OTUD7A: variants seen among roughly 807,000 people sequenced by gnomAD.
OTUD7A encodes OTU deubiquitinase 7A.
A neutral mutation model predicts 65.7 loss-of-function variants in OTUD7A; 12 were observed. That is an observed-to-expected ratio of 0.18 (90% CI 0.12 to 0.30). The LOEUF (loss-of-function observed/expected upper bound fraction) is 0.30. OTUD7A is among the 10% of genes least tolerant of loss of function. OTUD7A has a pLI of 1.00. For synonymous variants in OTUD7A, 641 were observed against 586.3 expected (o/e 1.09, Z -1.35); for missense variants, 1,148 against 1,304.8 (o/e 0.88, Z 1.85).
At chr15:31,752,939 G>A (rs530906435) in intron 1 of OTUD7A, among the ~76,000 whole-genome samples, 6 of 151,630 alleles carry the variant, frequency 4.0e-5, no homozygotes, top group Non-Finnish European at 7.4e-5. Context: ...TGGTGATTTC[G>A]TTTTAAGACC....
chr15:31,800,546 A>C (rs1265345364), intron 1 of OTUD7A, among the ~76,000 whole-genome samples: 2 of 152,080 alleles, frequency 1.3e-5, no homozygotes, highest in African/African-American at 4.8e-5. Context: ...CAACCTACCC[A>C]ATGGCCTCTG....
intron 1 of OTUD7A, chr15:31,766,077 C>CT: frequency 6.8e-7 from 1 of 1,474,868 alleles, no homozygotes; most frequent in Non-Finnish European, 9.5e-7. Flanking sequence ...AATATGTCCC[C>CT]TTTTTAAGTA....
chr15:31,505,500 G>A (rs768418050), intron 8 of OTUD7A, among the ~76,000 whole-genome samples: 2 of 152,008 alleles, frequency 1.3e-5, no homozygotes, highest in Non-Finnish European at 2.9e-5. Flanking sequence ...TAATTAGATG[G>A]GGAGGAAAGG....
At chr15:31,677,216 GA>G (rs1226158514) in intron 1 of OTUD7A, among the ~76,000 whole-genome samples, 1 of 152,190 alleles carries the variant, frequency 6.6e-6, no homozygotes, top group Non-Finnish European at 1.5e-5. Context: ...GACTCCAGGG[GA>G]TAGTAGAGCT....
intron 3 of OTUD7A, among the ~76,000 whole-genome samples, chr15:31,585,499 C>T (rs988535491): frequency 4.6e-5 from 7 of 152,212 alleles, no homozygotes; most frequent in African/African-American, 1.7e-4. Flanking sequence ...AGGTGAGCTG[C>T]TTCGGTGCTC....
At chr15:31,608,115 C>G (rs1890289248) in intron 3 of OTUD7A, among the ~76,000 whole-genome samples, 1 of 152,094 alleles carries the variant, frequency 6.6e-6, no homozygotes. Flanking sequence ...CGCATGGTGG[C>G]ACATGCCTGT....
intron 6 of OTUD7A, among the ~76,000 whole-genome samples, chr15:31,529,486 G>A (rs1437534173): frequency 6.6e-6 from 1 of 152,136 alleles, no homozygotes; most frequent in East Asian, 1.9e-4. Context: ...CCGCTGGGTG[G>A]GGGTCGCTGA....
intron 5 of OTUD7A, among the ~76,000 whole-genome samples, chr15:31,540,907 G>C (rs1015705029): frequency 6.6e-6 from 1 of 152,200 alleles, no homozygotes; most frequent in African/African-American, 2.4e-5. Context: ...TGCTTAAAGG[G>C]AGGTCAGCTG....
intron 5 of OTUD7A, among the ~76,000 whole-genome samples, chr15:31,538,862 T>G (rs1399247718): frequency 6.6e-6 from 1 of 152,200 alleles, no homozygotes; most frequent in African/African-American, 2.4e-5. Flanking sequence ...CATTTCACTC[T>G]CATTCCTTCC....
intron 1 of OTUD7A, among the ~76,000 whole-genome samples, chr15:31,804,425 C>T (rs1896215299): frequency 6.6e-6 from 1 of 152,166 alleles, no homozygotes; most frequent in South Asian, 2.1e-4. Context: ...CCCTGAAGTT[C>T]AGGGCTGGCT....
chr15:31,633,781 C>A (rs1325492965), intron 3 of OTUD7A, among the ~76,000 whole-genome samples: 1 of 152,114 alleles, frequency 6.6e-6, no homozygotes, highest in Non-Finnish European at 1.5e-5. Context: ...GGCCTGGACC[C>A]CATAAAGGCT....
At chr15:31,864,883 T>C (rs571068518) in intron 1 of OTUD7A, among the ~76,000 whole-genome samples, 3 of 152,294 alleles carry the variant, frequency 2.0e-5, no homozygotes, top group South Asian at 4.2e-4. Flanking sequence ...ACTGGGCTGA[T>C]GGTAAGTGAG....
chr15:31,530,788 T>C lies in OTUD7A; in HGVS notation c.571A>G (p.Thr191Ala), dbSNP rs757372129. The change falls in exon 6 of 13, where the codon ACT becomes GCT. Residue 191 changes from threonine (T) to alanine (A), a missense_variant. Coordinates refer to ENST00000307050, the MANE Select transcript of OTUD7A (RefSeq NM_001382637.1). ...AGCCGTTTACAGCTCGTGCACACAGTGGACCACCAGTTCAGGCGACCTGGA... is the reference window on the plus strand; with the variant it reads ...AGCCGTTTACAGCTCGTGCACACAGCGGACCACCAGTTCAGGCGACCTGGA... ...EQAGRLNWWSTVCTSCKRLLP... is the reference protein window; with the variant it reads ...EQAGRLNWWSAVCTSCKRLLP... The C allele has an allele frequency of 1.2e-6, 2 of 1,614,010 alleles. No individual in the cohort carries two copies. Among genetic ancestry groups the C allele is most frequent in the Non-Finnish European group, 1.7e-6 (2 of 1,179,916 alleles).
intron 5 of OTUD7A, among the ~76,000 whole-genome samples, chr15:31,547,611 G>A (rs1239562247): frequency 1.3e-5 from 2 of 151,816 alleles, no homozygotes; most frequent in East Asian, 1.9e-4. Context: ...TTGATCTTAC[G>A]AGCTCTGTTA....
intron 3 of OTUD7A, among the ~76,000 whole-genome samples, chr15:31,652,419 A>G (rs1891867936): frequency 6.6e-6 from 1 of 152,204 alleles, no homozygotes; most frequent in Non-Finnish European, 1.5e-5. Flanking sequence ...AATCTTCATG[A>G]CCTGGAGTTA....
At chr15:31,761,099 TA>T (rs1160548364) in intron 1 of OTUD7A, among the ~76,000 whole-genome samples, 1 of 152,152 alleles carries the variant, frequency 6.6e-6, no homozygotes, top group Non-Finnish European at 1.5e-5. Flanking sequence ...AACATAGCAG[TA>T]AATCTTTGTA....
At chr15:31,648,898 T>G (rs1891755338) in intron 3 of OTUD7A, among the ~76,000 whole-genome samples, 1 of 152,130 alleles carries the variant, frequency 6.6e-6, no homozygotes, top group African/African-American at 2.4e-5. Context: ...GTAGCTGGGA[T>G]TACAGGTGTA....
intron 3 of OTUD7A, among the ~76,000 whole-genome samples, chr15:31,641,022 T>C (rs1891498633): frequency 6.6e-6 from 1 of 152,186 alleles, no homozygotes; most frequent in Non-Finnish European, 1.5e-5. Context: ...TGGCTCTATG[T>C]CCCCACCCAA....
intron 3 of OTUD7A, among the ~76,000 whole-genome samples, chr15:31,616,672 G>T (rs551096462): frequency 3.5e-4 from 53 of 152,228 alleles, no homozygotes; most frequent in African/African-American, 1.3e-3. Flanking sequence ...AGCCTCCCGA[G>T]TACTGGGATT....
Sources: gnomAD v4.1 joint callset for allele counts (sites outside exome capture counted in the v4.1 genomes callset) on GRCh38, gnomAD v4.1.1 for gene constraint, MANE v1.5 for transcripts, NCBI Gene and HGNC (gene_info 2026-07-23, HGNC 2026-07-21) for gene names.